The following ZNF585A variants were observed in gnomAD, a reference collection of about 807,000 sequenced individuals.
The protein encoded by ZNF585A is zinc finger protein 585A.
In ZNF585A, 9 loss-of-function variants were observed where a neutral mutation model predicts 14.9. The observed-to-expected ratio is 0.60, with a 90% CI of 0.36 to 1.05. The LOEUF (loss-of-function observed/expected upper bound fraction) is 1.05. Among genes scored for constraint, ZNF585A ranks in the 50% least tolerant of loss-of-function variants. The probability of loss-of-function intolerance (pLI) is 0.01; values close to 1 mark genes in which losing one functional copy is unlikely to be tolerated. For missense variants in ZNF585A, 726 were observed against 926.4 expected (o/e 0.78, Z 2.81); for synonymous variants, 276 against 319.9 (o/e 0.86, Z 1.46).
chr19:37,161,634 G>A lies in ZNF585A; in HGVS notation c.73-5279C>T, dbSNP rs138783278. 1.6e-3 allele frequency among the ~76,000 whole-genome samples: 240 copies of A among 152,188 alleles called. 4 individuals are homozygous for A. The highest frequency in any genetic ancestry group is 5.6e-3 in the African/African-American group (234 of 41,512). On this transcript the variant is annotated intron_variant, in intron 2 of 4. Transcript: ENST00000292841. ...TCTTCCGCCTCTGCCACCCGAGCCA[G>A]CAAAACCAAACTCTCCTTTTCCTCC...
Position 37,152,077 on chromosome 19 carries a change from A to C in ZNF585A, c.1822T>G (p.Cys608Gly). ...RIHTGEKPYE[C>G]SDCGKSFTSK... Reference sequence around the variant, plus strand: ...GTAAAGGACTTCCCACAGTCACTGCATTCATAAGGCTTCTCTCCAGTATGA... The same window carrying C: ...GTAAAGGACTTCCCACAGTCACTGCCTTCATAAGGCTTCTCTCCAGTATGA... Residue 608 changes from cysteine (C) to glycine (G), a missense_variant, in exon 5 of 5, where the codon TGC becomes GGC. Transcript: ENST00000292841. 6.2e-7 allele frequency: 1 copy of C among 1,602,252 alleles called. No homozygotes were observed. Among genetic ancestry groups the C allele is most frequent in the Non-Finnish European group, 8.5e-7 (1 of 1,173,102 alleles).
intron 2 of ZNF585A, among the ~76,000 whole-genome samples, chr19:37,162,206 G>A (rs1367941428): frequency 2.6e-5 from 4 of 152,234 alleles, no homozygotes; most frequent in Non-Finnish European, 5.9e-5. Flanking sequence ...TTACAGGCGT[G>A]AGCCACCACG....
At chr19:37,157,807 T>G (rs180864853) in intron 2 of ZNF585A, among the ~76,000 whole-genome samples, 1 of 151,970 alleles carries the variant, frequency 6.6e-6, no homozygotes, top group Admixed American at 6.6e-5. Flanking sequence ...GTAATGGTAA[T>G]TAAGGTAATC....
chr19:37,169,312 G>A (rs745379377), intron 2 of ZNF585A, among the ~76,000 whole-genome samples: 1 of 151,344 alleles, frequency 6.6e-6, no homozygotes, highest in Non-Finnish European at 1.5e-5. Context: ...TAGTGGTAAC[G>A]AGAAACTCAA....
chr19:37,154,146 G>A (rs1205976583), intron 4 of ZNF585A, among the ~76,000 whole-genome samples: 1 of 152,212 alleles, frequency 6.6e-6, no homozygotes, highest in African/African-American at 2.4e-5. Flanking sequence ...TGAGTAACGT[G>A]AAGAGGAAGG....
In ZNF585A at chr19:37,151,263, G is replaced by A. The variant is rs1047333; in HGVS notation, c.*326C>T. The A allele has an allele frequency of 0.3, 132,562 of 438,672 alleles. 21,205 individuals are homozygous for A. The highest frequency in any genetic ancestry group is 0.34 in the Non-Finnish European group (84,558 of 249,312). 27.2% of individuals were successfully genotyped at this position (438,672 alleles called of 1,614,324 possible). A position where few individuals can be genotyped will look rare whatever the true frequency, so the allele number is the denominator to read the frequency against. On this transcript the variant is annotated 3_prime_UTR_variant, in exon 5 of 5. Coordinates refer to ENST00000292841, the MANE Select transcript of ZNF585A (RefSeq NM_001288800.2). ...CTAATCCACAGTAAACAGGATTATC[G>A]TTAACTTAATACGATCTTTCTTAGG...
At chr19:37,167,589 T>TTTTATTTTATTTTATTTTATTTTATTTTA (rs1972113757) in intron 2 of ZNF585A, among the ~76,000 whole-genome samples, 4 of 144,078 alleles carry the variant, frequency 2.8e-5, no homozygotes, top group African/African-American at 1.1e-4. Flanking sequence ...TTACTTTTTA[T>TTTTATTTTATTTTATTTTATTTTATTTTA]TTTTATTTTA....
Position 37,148,913 on chromosome 19 carries a change from C to T in ZNF585A, c.*2676G>A, listed in dbSNP as rs1325617455. ...GAAGTCAATTTGAAAAGGCTACACA[C>T]TGTATAATTTCAACTATATGATATA... On this transcript the variant is annotated 3_prime_UTR_variant, in exon 5 of 5. Transcript: ENST00000292841. The T allele has an allele frequency of 6.6e-6, 1 of 152,116 alleles. No homozygotes were observed. The highest frequency in any genetic ancestry group is 1.9e-4 in the East Asian group (1 of 5,196). 9.4% of individuals were successfully genotyped at this position (152,116 alleles called of 1,614,324 possible). A position where few individuals can be genotyped will look rare whatever the true frequency, so the allele number is the denominator to read the frequency against.
chr19:37,156,139 C>A, intron 3 of ZNF585A, 90 bp downstream of exon 3: 4 of 1,571,824 alleles, frequency 2.5e-6, no homozygotes, highest in Admixed American at 1.8e-5. Context: ...AAAATCATCA[C>A]CTATTTAAGA....
intron 1 of ZNF585A, among the ~76,000 whole-genome samples, chr19:37,170,705 ACCT>A (rs1482207889): frequency 6.6e-6 from 1 of 152,002 alleles, no homozygotes; most frequent in African/African-American, 2.4e-5. Context: ...GGATCTCCTG[ACCT>A]CCTGATCCGC....
chr19:37,165,725 A>C (rs1338549542), intron 2 of ZNF585A: 3 of 855,264 alleles, frequency 3.5e-6, no homozygotes, highest in Non-Finnish European at 4.2e-6. Flanking sequence ...AAAAACCAAA[A>C]GCAAGGTTGA....
At position 37,152,114 on chromosome 19, in the gene ZNF585A, A is replaced by C; in HGVS notation, c.1785T>G (p.Thr595=). Reference sequence around the variant, plus strand: ...TCTCTCCAGTATGAATTCTTTGATGAGTAATAAAGTTTGACTTGCGGATGA... The same window carrying C: ...TCTCTCCAGTATGAATTCTTTGATGCGTAATAAAGTTTGACTTGCGGATGA... ...RAFIRKSNFI[T]HQRIHTGEKP... The change falls in exon 5 of 5, where the codon ACT becomes ACG. Residue 595 remains threonine (T), a synonymous_variant. Transcript: ENST00000292841. 1 of 1,599,164 alleles carries C rather than the reference A, an allele frequency of 6.3e-7. No individual in the cohort carries two copies. Among genetic ancestry groups the C allele is most frequent in the Non-Finnish European group, 8.5e-7 (1 of 1,170,970 alleles).
rs1208292213 is a variant in ZNF585A at position 37,149,444 on chromosome 19, A to T, written c.*2145T>A. On this transcript the variant is annotated 3_prime_UTR_variant, in exon 5 of 5. Transcript: ENST00000292841. ...CATTTACAATAAATTGTTTCCCTTC[A>T]TGAGGCTTGGGCATACAGAGGATAG... 6.6e-6 allele frequency: 1 copy of T among 152,214 alleles called. No homozygotes were observed. Among genetic ancestry groups the T allele is most frequent in the Non-Finnish European group, 1.5e-5 (1 of 68,026 alleles). 9.4% of individuals were successfully genotyped at this position (152,214 alleles called of 1,614,324 possible).
chr19:37,152,778 C>G lies in ZNF585A; in HGVS notation c.1121G>C (p.Arg374Thr). ...ATAAGGTTTCTCTCCAGTGTGAATT[C>G]TCTGATGAATAATCAACTCTGACCT... Reference protein sequence around the residue: ...TYRSELIIHQRIHTGEKPYEC... With the variant: ...TYRSELIIHQTIHTGEKPYEC... The change falls in exon 5 of 5, where the codon AGA becomes ACA. Residue 374 changes from arginine (R) to threonine (T), a missense_variant. By Grantham distance (71) the Arg-to-Thr change is moderately conservative. Around this residue, in one of 2 missense-constraint regions of ZNF585A, gnomAD observed 483 missense variants for 542.8 expected, o/e 0.89. Transcript: ENST00000292841. The G allele has an allele frequency of 6.2e-7, 1 of 1,614,150 alleles. No individual in the cohort carries two copies. Among genetic ancestry groups the G allele is most frequent in the Non-Finnish European group, 8.5e-7 (1 of 1,180,016 alleles).
At position 37,149,611 on chromosome 19, in the gene ZNF585A, G is replaced by A. The variant is rs950038947; in HGVS notation, c.*1978C>T. The A allele has an allele frequency of 5.3e-5, 8 of 152,044 alleles. No individual in the cohort carries two copies. Among genetic ancestry groups the A allele is most frequent in the African/African-American group, 1.4e-4 (6 of 41,396 alleles). The allele number at this position is 152,044 out of a possible 1,614,324, so 9.4% of individuals were successfully genotyped here. On this transcript the variant is annotated 3_prime_UTR_variant, in exon 5 of 5. Coordinates refer to ENST00000292841, the MANE Select transcript of ZNF585A (RefSeq NM_001288800.2). ...CCATTTTACAAGTGAGAAAATTGAG[G>A]CCCAGAGGAGGTTTCTGGGCAGGCT...
At chr19:37,166,158 C>T (rs1242666166) in intron 2 of ZNF585A, among the ~76,000 whole-genome samples, 1 of 151,176 alleles carries the variant, frequency 6.6e-6, no homozygotes, top group Non-Finnish European at 1.5e-5. Context: ...GGATTACAGA[C>T]CTGCACTGTG....
chr19:37,164,525 C>T (rs1402841999), intron 2 of ZNF585A, among the ~76,000 whole-genome samples: 4 of 152,080 alleles, frequency 2.6e-5, no homozygotes, highest in Admixed American at 2.0e-4. Context: ...CTATAGAAAC[C>T]TCATAGCTAT....
intron 2 of ZNF585A, among the ~76,000 whole-genome samples, chr19:37,160,087 C>T (rs948511235): frequency 1.3e-5 from 2 of 152,092 alleles, no homozygotes; most frequent in African/African-American, 2.4e-5. Flanking sequence ...AATCCCAACA[C>T]TTTGGGAGGC....
In ZNF585A at chr19:37,151,296, T is replaced by C; in HGVS notation, c.*293A>G. On this transcript the variant is annotated 3_prime_UTR_variant, in exon 5 of 5. Coordinates refer to ENST00000292841, the MANE Select transcript of ZNF585A (RefSeq NM_001288800.2). ...AATACGATCTTTCTTAGGAAGAATT[T>C]GGTAACAGTATTCTATTGTAGTTTT... is the stretch of plus-strand genomic sequence containing the variant. 2.2e-6 allele frequency: 1 copy of C among 445,918 alleles called. No homozygotes were observed. The highest frequency in any genetic ancestry group is 3.9e-6 in the Non-Finnish European group (1 of 253,586). The allele number at this position is 445,918 out of a possible 1,614,324, so 27.6% of individuals were successfully genotyped here. A position where few individuals can be genotyped will look rare whatever the true frequency, so the allele number is the denominator to read the frequency against.
Sources: allele counts gnomAD v4.1 joint callset (sites outside exome capture counted in the v4.1 genomes callset), GRCh38; gene constraint gnomAD v4.1.1; regional missense constraint gnomAD v4.1.1; transcripts MANE v1.5; gene names NCBI Gene and HGNC (gene_info 2026-07-23, HGNC 2026-07-21).